The following VSTM2L variants were observed in gnomAD, a reference collection of about 807,000 sequenced individuals.
The protein encoded by VSTM2L is V-set and transmembrane domain containing 2 like, also known as V-set and transmembrane domain-containing protein 2-like protein.
In VSTM2L, 9 loss-of-function variants were observed where a neutral mutation model predicts 19.9. That is an observed-to-expected ratio of 0.45 (90% CI 0.27 to 0.79). The LOEUF is 0.79. Among genes scored for constraint, VSTM2L ranks in the 30% least tolerant of loss-of-function variants. The pLI is 0.15. For synonymous variants in VSTM2L, 127 were observed against 133.8 expected (o/e 0.95, Z 0.35); for missense variants, 286 against 295.5 (o/e 0.97, Z 0.24).
chr20:37,935,295 G>A (rs8114848), intron 3 of VSTM2L, among the ~76,000 whole-genome samples: 36,388 of 152,178 alleles, frequency 0.24, 5,790 homozygotes, highest in African/African-American at 0.45. Flanking sequence ...GAAATGCACA[G>A]ACAGGCATGG....
chr20:37,943,432 T>TC (rs2072985496), intron 3 of VSTM2L, among the ~76,000 whole-genome samples: 1 of 150,900 alleles, frequency 6.6e-6, no homozygotes, highest in Admixed American at 6.6e-5. Context: ...CCTCTATTTT[T>TC]TTTTTTTTTT....
intron 1 of VSTM2L, 62 bp from the exon 2 acceptor site, chr20:37,931,573 C>CTTCG (rs1447637296): frequency 1.3e-6 from 2 of 1,555,854 alleles, no homozygotes; most frequent in Non-Finnish European, 1.7e-6. Flanking sequence ...TCTCCACCTC[C>CTTCG]TTCACCCACT....
intron 1 of VSTM2L, among the ~76,000 whole-genome samples, chr20:37,930,460 C>A (rs2072901966): frequency 1.3e-5 from 2 of 151,914 alleles, no homozygotes; most frequent in African/African-American, 4.8e-5. Flanking sequence ...GGGTGGGGGC[C>A]AGGGGATTGA....
At chr20:37,911,235 C>CAAA (rs11352183) in intron 1 of VSTM2L, among the ~76,000 whole-genome samples, 21 of 45,718 alleles carry the variant, frequency 4.6e-4, no homozygotes, top group East Asian at 1.8e-3. Flanking sequence ...GACTCCATCT[C>CAAA]AAAAAAAAAA....
At chr20:37,917,370 C>G (rs890082533) in intron 1 of VSTM2L, among the ~76,000 whole-genome samples, 1 of 152,080 alleles carries the variant, frequency 6.6e-6, no homozygotes, top group Non-Finnish European at 1.5e-5. Context: ...TTTTACTAGG[C>G]AGGGCGGCCC....
intron 1 of VSTM2L, among the ~76,000 whole-genome samples, chr20:37,915,536 GTGCCTGCGTGA>G (rs893804313): frequency 6.6e-5 from 10 of 152,104 alleles, no homozygotes; most frequent in African/African-American, 2.4e-4. Flanking sequence ...AGCCCACTGT[GTGCCTGCGTGA>G]TGTCACTGCA....
chr20:37,906,116 G>A (rs372619520), intron 1 of VSTM2L, among the ~76,000 whole-genome samples: 9 of 152,054 alleles, frequency 5.9e-5, no homozygotes, highest in East Asian at 5.8e-4. Flanking sequence ...GTGCTTGGTG[G>A]CTGCTCACCC....
At chr20:37,907,987 A>G (rs2072759986) in intron 1 of VSTM2L, among the ~76,000 whole-genome samples, 1 of 152,190 alleles carries the variant, frequency 6.6e-6, no homozygotes, top group African/African-American at 2.4e-5. Flanking sequence ...CCTGTCTTCC[A>G]AAGGTTATGA....
chr20:37,913,622 T>C (rs1345444262), intron 1 of VSTM2L, among the ~76,000 whole-genome samples: 3 of 152,104 alleles, frequency 2.0e-5, no homozygotes, highest in Admixed American at 6.5e-5. Flanking sequence ...TAGAGGGAGC[T>C]CACTGTGTCC....
Position 37,944,222 on chromosome 20 carries a change from G to C in VSTM2L, c.584G>C (p.Arg195Pro). ...PPKPGKELRK[R>P]SVDQEACSL ...AAGCCAGGCAAGGAGCTGAGGAAGC[G>C]CTCGGTGGACCAGGAGGCCTGCAGC... Residue 195 changes from arginine to proline, a missense_variant, in exon 4 of 4, where the codon CGC (arginine) becomes CCC (proline). Physicochemically the swap from Arg to Pro is moderately radical, Grantham distance 103. Transcript: ENST00000373461. The C allele has an allele frequency of 3.4e-6, 5 of 1,454,280 alleles. No individual in the cohort carries two copies. The highest frequency in any genetic ancestry group is 4.6e-6 in the Non-Finnish European group (5 of 1,091,150). The allele number at this position is 1,454,280 out of a possible 1,614,324, so 90.1% of individuals were successfully genotyped here.
At chr20:37,930,964 G>A (rs2072905488) in intron 1 of VSTM2L, among the ~76,000 whole-genome samples, 1 of 152,194 alleles carries the variant, frequency 6.6e-6, no homozygotes, top group Non-Finnish European at 1.5e-5. Context: ...CTTTCGGGGG[G>A]TGACATTTGA....
intron 1 of VSTM2L, among the ~76,000 whole-genome samples, chr20:37,921,501 T>A (rs1266795781): frequency 2.0e-5 from 3 of 152,218 alleles, no homozygotes; most frequent in Non-Finnish European, 4.4e-5. Context: ...CCTGAGCATC[T>A]ACTATGTGCA....
At chr20:37,907,634 C>T (rs1228837172) in intron 1 of VSTM2L, among the ~76,000 whole-genome samples, 2 of 151,950 alleles carry the variant, frequency 1.3e-5, no homozygotes, top group Non-Finnish European at 2.9e-5. Flanking sequence ...CAGACAACTC[C>T]CCTCCCACCC....
intron 1 of VSTM2L, among the ~76,000 whole-genome samples, chr20:37,916,033 A>G (rs2072816583): frequency 6.6e-6 from 1 of 152,102 alleles, no homozygotes; most frequent in African/African-American, 2.4e-5. Flanking sequence ...GAGCAAATCC[A>G]TCCCTGTGAT....
rs943734531 is a variant in VSTM2L at position 37,945,139 on chromosome 20, G to C, written c.*886G>C. 1.0e-6 allele frequency: 1 copy of C among 985,658 alleles called. No homozygotes were observed. The highest frequency in any genetic ancestry group is 1.2e-6 in the Non-Finnish European group (1 of 829,940). 61.1% of individuals were successfully genotyped at this position (985,658 alleles called of 1,614,324 possible). ...GGTACTCAGTTCCCTCACGATTCCC[G>C]ATCACGGGCACACCTGCCCCCTGGT... On this transcript the variant is annotated 3_prime_UTR_variant, in exon 4 of 4. Transcript: ENST00000373461.
intron 3 of VSTM2L, among the ~76,000 whole-genome samples, chr20:37,935,756 C>T (rs533106216): frequency 2.0e-5 from 3 of 152,242 alleles, no homozygotes; most frequent in South Asian, 2.1e-4. Flanking sequence ...GCCTGACTCA[C>T]TGTTGCATTT....
chr20:37,931,497 C>T (rs917561295), intron 1 of VSTM2L, 138 bp from the exon 2 acceptor site: 54 of 924,600 alleles, frequency 5.8e-5, no homozygotes, highest in African/African-American at 3.1e-4. Flanking sequence ...CTCCCACCAG[C>T]GGGCTTGCAG....
At chr20:37,924,718 G>A (rs2072870722) in intron 1 of VSTM2L, among the ~76,000 whole-genome samples, 3 of 152,118 alleles carry the variant, frequency 2.0e-5, no homozygotes, top group African/African-American at 7.2e-5. Context: ...ATCAATCTGT[G>A]TATTTTCCAG....
chr20:37,932,510 A>C (rs774306269), intron 2 of VSTM2L, among the ~76,000 whole-genome samples: 1 of 152,060 alleles, frequency 6.6e-6, no homozygotes, highest in Non-Finnish European at 1.5e-5. Context: ...TGACCCGCAA[A>C]GTTGGAGGAT....
Sources: gnomAD v4.1 joint callset for allele counts (sites outside exome capture counted in the v4.1 genomes callset) on GRCh38, gnomAD v4.1.1 for gene constraint, MANE v1.5 for transcripts, NCBI Gene and HGNC (gene_info 2026-07-23, HGNC 2026-07-21) for gene names.